ESRRB: variants seen among roughly 807,000 people sequenced by gnomAD.
The protein encoded by ESRRB is steroid hormone receptor ERR2.
ESRRB carries 16 observed loss-of-function variants against 46.0 expected under a neutral mutation model. That is an observed-to-expected ratio of 0.35 (90% confidence interval 0.24 to 0.53). The LOEUF is 0.53. Among genes scored for constraint, ESRRB ranks in the 20% least tolerant of loss-of-function variants. The probability of loss-of-function intolerance (pLI) is 0.93; values close to 1 mark genes in which losing one functional copy is unlikely to be tolerated. For synonymous variants in ESRRB, 246 were observed against 259.6 expected, an observed-to-expected ratio of 0.95 and a Z score of 0.50; for missense variants, 488 against 607.4, an observed-to-expected ratio of 0.80 and a Z score of 2.07.
intron 1 of ESRRB, among the ~76,000 whole-genome samples, chr14:76,438,080 C>A (rs769282014): frequency 6.6e-6 from 1 of 151,968 alleles, no homozygotes; most frequent in African/African-American, 2.4e-5. Context: ...GGGGGACAGG[C>A]AGGCTGGGTA....
chr14:76,358,385 A>G lies in ESRRB; in HGVS notation c.2+47469A>G, dbSNP rs888886368. ...AAAGAAAGAAAGAAAGAAAGAAAGA[A>G]AGAAAGAAAGAAAGAAAGAAAGAAA... On this transcript the variant is annotated intron_variant, in intron 1 of 6. Coordinates refer to the ESRRB transcript ENST00000512784. Among the ~76,000 whole-genome samples the G allele has an allele frequency of 6.9e-5, 7 of 101,910 alleles. 1 individual carries two copies. Among genetic ancestry groups the G allele is most frequent in the Non-Finnish European group, 1.1e-4 (5 of 45,228 alleles). 66.9% of individuals were successfully genotyped at this position (101,910 alleles called of 152,430 possible). A position where few individuals can be genotyped will look rare whatever the true frequency, so the allele number is the denominator to read the frequency against.
intron 5 of ESRRB, among the ~76,000 whole-genome samples, chr14:76,489,836 C>A (rs979912204): frequency 2.0e-5 from 3 of 152,126 alleles, no homozygotes; most frequent in African/African-American, 7.2e-5. Context: ...TCCAGAAGCT[C>A]AGGACCACCC....
At chr14:76,420,688 G>T (rs1200458791) in intron 1 of ESRRB, among the ~76,000 whole-genome samples, 1 of 151,760 alleles carries the variant, frequency 6.6e-6, no homozygotes, top group Non-Finnish European at 1.5e-5. Context: ...TGGCCAAATG[G>T]CCAAAAATTA....
chr14:76,388,127 G>C (rs143191735), intron 1 of ESRRB, among the ~76,000 whole-genome samples: 2 of 151,294 alleles, frequency 1.3e-5, no homozygotes, highest in East Asian at 3.9e-4. Context: ...TCCTCACCCC[G>C]ATGTTATGTG....
chr14:76,439,848 A>G (rs1418894660), intron 2 of ESRRB, 98 bp downstream of exon 2: 8 of 1,353,028 alleles, frequency 5.9e-6, no homozygotes, highest in Non-Finnish European at 8.2e-6. Flanking sequence ...GAGACTGCCA[A>G]TTCTGGGCGC....
Position 76,500,152 on chromosome 14 carries a change from T to C in ESRRB, c.*1694T>C. 1 of 1,173,598 alleles carries C rather than the reference T, an allele frequency of 8.5e-7. No homozygotes were observed. Among genetic ancestry groups the C allele is most frequent in the Non-Finnish European group, 1.2e-6 (1 of 826,532 alleles). 72.7% of individuals were successfully genotyped at this position (1,173,598 alleles called of 1,614,324 possible). A position where few individuals can be genotyped will look rare whatever the true frequency, so the allele number is the denominator to read the frequency against. On this transcript the variant is annotated 3_prime_UTR_variant, in exon 7 of 7. Coordinates refer to ENST00000644823, the MANE Select transcript of ESRRB (RefSeq NM_001379180.1). ...AACCTCCCGGCCTGGGCTTCTGGGC[T>C]GGGACGTGCTGAGGTCATCCCAGAC...
intron 5 of ESRRB, among the ~76,000 whole-genome samples, chr14:76,490,906 T>TC (rs1054650070): frequency 2.6e-5 from 4 of 152,158 alleles, no homozygotes; most frequent in African/African-American, 4.8e-5. Context: ...ACTGGGGCCT[T>TC]CCCCTGTGGC....
At chr14:76,387,165 T>C (rs1305987019) in intron 1 of ESRRB, among the ~76,000 whole-genome samples, 1 of 152,266 alleles carries the variant, frequency 6.6e-6, no homozygotes, top group East Asian at 1.9e-4. Flanking sequence ...ACTCCAAACC[T>C]GAAGCAGAGC....
rs1246723800 is a variant in ESRRB at position 76,439,396 on chromosome 14, TTCA to T, written c.110_112del (p.Ile37del). The T allele has an allele frequency of 1.2e-6, 2 of 1,613,668 alleles. No homozygotes were observed. Among genetic ancestry groups the T allele is most frequent in the Admixed American group, 1.7e-5 (1 of 60,028 alleles). Reference sequence around the variant, plus strand: ...GCACCTGGGCTCCAGCTGCGGCTCCTTCATCAAGACTGAGCCGTCCAGCCCGTC... The same window carrying T: ...GCACCTGGGCTCCAGCTGCGGCTCCTTCAAGACTGAGCCGTCCAGCCCGTC... On this transcript the variant is annotated inframe_deletion, in exon 2 of 7. Transcript: ENST00000644823.
chr14:76,449,932 T>A (rs999589476), intron 2 of ESRRB, among the ~76,000 whole-genome samples: 10 of 152,170 alleles, frequency 6.6e-5, no homozygotes, highest in Middle Eastern at 3.4e-3. Context: ...ATTTATTTTT[T>A]AAAAAAATTG....
chr14:76,479,385 G>A (rs1889718572), intron 3 of ESRRB, among the ~76,000 whole-genome samples: 1 of 152,168 alleles, frequency 6.6e-6, no homozygotes, highest in Non-Finnish European at 1.5e-5. Flanking sequence ...CAGCAGTACT[G>A]TCCTCAGGAA....
intron 2 of ESRRB, among the ~76,000 whole-genome samples, chr14:76,461,717 G>A (rs34323852): frequency 0.18 from 26,935 of 151,906 alleles, 2,469 homozygotes; most frequent in Middle Eastern, 0.25. Context: ...CACCATATTG[G>A]TCAGGCTGGT....
chr14:76,498,472 G>T lies in ESRRB; in HGVS notation c.*14G>T. On this transcript the variant is annotated 3_prime_UTR_variant, in exon 7 of 7. Transcript: ENST00000644823. Reference sequence around the variant, plus strand: ...GCCAAGGTGTGATGGCCCCGCACACGGACCAATGCCCACCTACAGACAGAC... The same window carrying T: ...GCCAAGGTGTGATGGCCCCGCACACTGACCAATGCCCACCTACAGACAGAC... 1 of 1,613,050 alleles carries T rather than the reference G, an allele frequency of 6.2e-7. No individual in the cohort carries two copies. The highest frequency in any genetic ancestry group is 1.1e-5 in the South Asian group (1 of 90,992).
At chr14:76,377,846 G>C (rs1364582712) in intron 1 of ESRRB, among the ~76,000 whole-genome samples, 1 of 152,220 alleles carries the variant, frequency 6.6e-6, no homozygotes, top group African/African-American at 2.4e-5. Flanking sequence ...GACTGTTCCT[G>C]CTTCTAGTTT....
chr14:76,435,746 A>C (rs112699365), intron 1 of ESRRB, among the ~76,000 whole-genome samples: 53 of 152,276 alleles, frequency 3.5e-4, no homozygotes, highest in African/African-American at 1.2e-3. Flanking sequence ...CAGGAGAATC[A>C]CTTGAACCCA....
At chr14:76,418,104 C>T (rs375659141) in intron 1 of ESRRB, among the ~76,000 whole-genome samples, 173 of 151,848 alleles carry the variant, frequency 1.1e-3, no homozygotes, top group African/African-American at 3.9e-3. Context: ...TACAGACGCC[C>T]GCCACCATGC....
At chr14:76,456,893 T>C (rs764239340) in intron 2 of ESRRB, among the ~76,000 whole-genome samples, 20 of 152,052 alleles carry the variant, frequency 1.3e-4, no homozygotes, top group Non-Finnish European at 2.6e-4. Flanking sequence ...CAGAGGTGTG[T>C]AAATAAGGGA....
At chr14:76,363,474 A>G (rs1305392955) in intron 1 of ESRRB, among the ~76,000 whole-genome samples, 1 of 152,182 alleles carries the variant, frequency 6.6e-6, no homozygotes, top group Non-Finnish European at 1.5e-5. Flanking sequence ...CATGTCATAG[A>G]AAGTTAAAAT....
intron 1 of ESRRB, among the ~76,000 whole-genome samples, chr14:76,384,213 A>C (rs1285581813): frequency 6.6e-6 from 1 of 152,116 alleles, no homozygotes; most frequent in South Asian, 2.1e-4. Context: ...GACATTGTCT[A>C]CCTAAGCAGT....
Sources: allele counts gnomAD v4.1 joint callset (sites outside exome capture counted in the v4.1 genomes callset), GRCh38; gene constraint gnomAD v4.1.1; transcripts MANE v1.5; gene names NCBI Gene and HGNC (gene_info 2026-07-23, HGNC 2026-07-21).